BACH1: variants seen among roughly 807,000 people sequenced by gnomAD.
The protein encoded by BACH1 is transcription regulator protein BACH1.
A neutral mutation model predicts 52.9 loss-of-function variants in BACH1; 35 were observed. The observed-to-expected ratio is 0.66, with a 90% CI of 0.51 to 0.88. The LOEUF is 0.88. Ranked by LOEUF, BACH1 falls within the 40% of genes least tolerant of loss-of-function variation. The pLI is 0.00. For synonymous variants in BACH1, 321 were observed against 319.6 expected (o/e 1.00, Z -0.05); for missense variants, 808 against 872.6 (o/e 0.93, Z 0.93).
chr21:29,319,692 C>A lies in BACH1; in HGVS notation c.-60-1529C>A, dbSNP rs114804153. ...AGTATAGTTTTGAAGGGTGTGCATCCTAGATACCAGGAAAGAATAAGGAGG... is the reference window on the plus strand; with the variant it reads ...AGTATAGTTTTGAAGGGTGTGCATCATAGATACCAGGAAAGAATAAGGAGG... On this transcript the variant is annotated intron_variant, in intron 1 of 4. Transcript: ENST00000286800. 1.6e-3 allele frequency among the ~76,000 whole-genome samples: 229 copies of A among 145,628 alleles called. 1 individual carries two copies. Among genetic ancestry groups the A allele is most frequent in the African/African-American group, 5.3e-3 (208 of 38,990 alleles).
intron 2 of BACH1, among the ~76,000 whole-genome samples, chr21:29,355,037 A>C (rs1317452214): frequency 6.6e-6 from 1 of 152,190 alleles, no homozygotes; most frequent in Non-Finnish European, 1.5e-5. Flanking sequence ...TGAAAGAAAA[A>C]GCTTCCACAG....
intron 1 of BACH1, among the ~76,000 whole-genome samples, chr21:29,320,017 C>T (rs1485986492): frequency 2.0e-5 from 3 of 152,082 alleles, no homozygotes; most frequent in African/African-American, 7.2e-5. Context: ...TTTGAAGTTA[C>T]CAGTGATTTC....
intron 1 of BACH1, among the ~76,000 whole-genome samples, chr21:29,315,687 A>G (rs1276095507): frequency 3.3e-5 from 5 of 152,190 alleles, no homozygotes; most frequent in East Asian, 1.9e-4. Context: ...CATTAATTGA[A>G]TATTATGGTT....
At chr21:29,322,378 T>TG (rs2088858967) in intron 2 of BACH1, among the ~76,000 whole-genome samples, 1 of 152,222 alleles carries the variant, frequency 6.6e-6, no homozygotes, top group South Asian at 2.1e-4. Context: ...TAAACAGTGT[T>TG]GCGTCATTTT....
chr21:29,341,654 A>AC lies in BACH1; in HGVS notation c.1777-738dup, dbSNP rs749346913. Among the ~76,000 whole-genome samples, 5 of 151,816 alleles carry AC rather than the reference A, an allele frequency of 3.3e-5. No homozygotes were observed. The East Asian group carries it at 5.8e-4, about 18-fold the overall frequency. On this transcript the variant is annotated intron_variant, in intron 4 of 4. Transcript: ENST00000286800. ...AATGGTAATTAGCAAGCACAAAATTACCCCCCCGAATTCTTCACACTTTAG... is the reference window on the plus strand; with the variant it reads ...AATGGTAATTAGCAAGCACAAAATTACCCCCCCCGAATTCTTCACACTTTAG...
intron 1 of BACH1, among the ~76,000 whole-genome samples, chr21:29,307,811 T>C (rs936730934): frequency 6.6e-6 from 1 of 152,196 alleles, no homozygotes; most frequent in Non-Finnish European, 1.5e-5. Context: ...TTCATTCTTG[T>C]TCCTTCTCAA....
chr21:29,313,425 C>T (rs2088750726), intron 1 of BACH1, among the ~76,000 whole-genome samples: 1 of 152,222 alleles, frequency 6.6e-6, no homozygotes. Context: ...TATGACCCAG[C>T]TCTTCTACTC....
chr21:29,341,929 C>G (rs1465365254), intron 4 of BACH1, among the ~76,000 whole-genome samples: 1 of 152,086 alleles, frequency 6.6e-6, no homozygotes, highest in Non-Finnish European at 1.5e-5. Flanking sequence ...TCTTGTATCC[C>G]ATCCAAAATG....
rs202149049 is a variant in BACH1 at position 29,326,324 on chromosome 21, C to T, written c.500C>T (p.Thr167Ile). The T allele has an allele frequency of 5.6e-6, 9 of 1,614,188 alleles. No homozygotes were observed. The East Asian group carries it at 1.8e-4, about 32-fold the overall frequency. Residue 167 changes from threonine (T) to isoleucine (I), a missense_variant, in exon 3 of 5, where the codon ACT becomes ATT. Physicochemically the swap from Thr to Ile is moderately conservative, Grantham distance 89. Transcript: ENST00000286800. The part of the protein sequence containing the change: ...LSLLDQRDLE[T>I]DEVEEFLENK... ...CTTTTGGACCAGAGGGATCTAGAAA[C>T]TGATGAAGTGGAGGAATTTCTGGAA...
Position 29,351,602 on chromosome 21 carries a change from C to A in BACH1, c.472+21909C>A, listed in dbSNP as rs188750589. On this transcript the variant is annotated intron_variant, in intron 2 of 4. Transcript: ENST00000422809. The stretch of plus-strand genomic sequence containing the variant: ...TTTAGAAGACCTCATCTATTATGCT[C>A]AACATCTGATATTTGAGGGGTTCTG... The A allele has an allele frequency of 2.7e-3, 1,455 of 534,648 alleles. 27 individuals carry two copies. Among genetic ancestry groups the A allele is most frequent in the Admixed American group, 0.027 (1,397 of 51,600 alleles). 33.1% of individuals were successfully genotyped at this position (534,648 alleles called of 1,614,324 possible).
intron 4 of BACH1, among the ~76,000 whole-genome samples, chr21:29,342,049 A>C (rs1379783063): frequency 6.6e-6 from 1 of 152,208 alleles, no homozygotes; most frequent in African/African-American, 2.4e-5. Flanking sequence ...ATTAGACTAC[A>C]TAGTCTTTAT....
intron 1 of BACH1, among the ~76,000 whole-genome samples, 195 bp downstream of exon 1, chr21:29,299,148 A>G (rs1379230988): frequency 6.6e-6 from 1 of 151,228 alleles, no homozygotes; most frequent in Admixed American, 6.6e-5. Flanking sequence ...GGGATCCTGG[A>G]AGTGGCCGCG....
Position 29,321,250 on chromosome 21 carries a change from C to T in BACH1, c.-31C>T, listed in dbSNP as rs781536847. 1 of 1,564,760 alleles carries T rather than the reference C, an allele frequency of 6.4e-7. No individual in the cohort carries two copies. Among genetic ancestry groups the T allele is most frequent in the East Asian group, 2.3e-5 (1 of 44,320 alleles). ...ATGATAATTAGAAGCATGCTTTCCA[C>T]TGAACTTCCCGACAACATTTGTTAT... On this transcript the variant is annotated 5_prime_UTR_variant, in exon 2 of 5. Coordinates refer to ENST00000286800, the MANE Select transcript of BACH1 (RefSeq NM_001186.4).
In BACH1 at chr21:29,328,315, T is replaced by G. The variant is rs915095648; in HGVS notation, c.1569+922T>G. 7.7e-4 allele frequency among the ~76,000 whole-genome samples: 118 copies of G among 152,328 alleles called. 1 individual carries two copies. Among genetic ancestry groups the G allele is most frequent in the African/African-American group, 2.7e-3 (113 of 41,586 alleles). ...GTATATTCTGTTTGTATTTGATAGA[T>G]CCTTTCTGTAAAATATTACTTATAA... On this transcript the variant is annotated intron_variant, in intron 3 of 4. Coordinates refer to ENST00000286800, the MANE Select transcript of BACH1 (RefSeq NM_001186.4).
At position 29,336,312 on chromosome 21, in the gene BACH1, G is replaced by A. The variant is rs144428123; in HGVS notation, c.1777-6087G>A. Among the ~76,000 whole-genome samples the A allele has an allele frequency of 4.0e-3, 603 of 152,236 alleles. 3 individuals carry two copies. The highest frequency in any genetic ancestry group is 0.014 in the African/African-American group (573 of 41,534). ...GTAAACTGGAAATGTTTGAGTTGAG[G>A]AGACTGAGTTTAAACATTCACTGGT... On this transcript the variant is annotated intron_variant, in intron 4 of 4. Transcript: ENST00000286800.
At chr21:29,333,689 A>G (rs1022744166) in intron 4 of BACH1, among the ~76,000 whole-genome samples, 1 of 152,230 alleles carries the variant, frequency 6.6e-6, no homozygotes, top group African/African-American at 2.4e-5. Flanking sequence ...CCTGAGGGCA[A>G]TGGCATAATA....
At chr21:29,327,515 T>C in intron 3 of BACH1, 122 bp downstream of exon 3, 1 of 1,337,486 alleles carries the variant, frequency 7.5e-7, no homozygotes, top group East Asian at 2.4e-5. Flanking sequence ...AGGAAACTCA[T>C]ACAAAATTAA....
intron 2 of BACH1, among the ~76,000 whole-genome samples, chr21:29,354,377 C>G (rs888524936): frequency 6.6e-6 from 1 of 152,084 alleles, no homozygotes; most frequent in African/African-American, 2.4e-5. Flanking sequence ...TCCTGTGTTT[C>G]ACAGTTTGTT....
intron 3 of BACH1, 26 bp downstream of exon 3, chr21:29,327,419 A>G (rs1424668024): frequency 1.3e-6 from 2 of 1,589,892 alleles, no homozygotes; most frequent in Non-Finnish European, 1.7e-6. Flanking sequence ...TTCTTAATTC[A>G]TTGTTTTAAT....
Sources: gnomAD v4.1 joint callset for allele counts (sites outside exome capture counted in the v4.1 genomes callset) on GRCh38, gnomAD v4.1.1 for gene constraint, MANE v1.5 for transcripts, NCBI Gene and HGNC (gene_info 2026-07-23, HGNC 2026-07-21) for gene names.